The following FANCA variants were observed in gnomAD, a reference collection of about 807,000 sequenced individuals.
FANCA encodes Fanconi anemia group A protein.
Under a neutral mutation model 194.3 loss-of-function variants are expected in FANCA, and 236 were observed. The ratio of observed to expected loss-of-function variants is 1.21; its 90% CI spans 1.09 to 1.35. The LOEUF is 1.35. FANCA is among the 40% of genes most tolerant of loss of function. The pLI is 0.00. For missense variants in FANCA, 2,628 were observed against 1,813.9 expected (o/e 1.45, Z -8.15); for synonymous variants, 1,014 against 715.8 (o/e 1.42, Z -6.65).
intron 32 of FANCA, 98 bp from the exon 33 acceptor site, chr16:89,748,865 C>A (rs1386718064): frequency 8.3e-6 from 8 of 962,700 alleles, no homozygotes; most frequent in East Asian, 5.2e-5. Flanking sequence ...CACCCTGAAA[C>A]CCAGGGCCAC....
intron 32 of FANCA, among the ~76,000 whole-genome samples, chr16:89,749,104 T>C (rs979602676): frequency 6.6e-6 from 1 of 152,250 alleles, no homozygotes; most frequent in Non-Finnish European, 1.5e-5. Context: ...TAAAATTAAA[T>C]GACTCCACGC....
chr16:89,776,301 G>A (rs1456232680), intron 20 of FANCA, among the ~76,000 whole-genome samples: 1 of 150,702 alleles, frequency 6.6e-6, no homozygotes, highest in Admixed American at 6.6e-5. Flanking sequence ...CCGAGTAGGT[G>A]GGATTACAGG....
rs148154682 is a variant in FANCA, at chr16:89,779,902, G to A, written c.1682C>T (p.Thr561Met). Residue 561 changes from threonine (T) to methionine (M), a missense_variant, in exon 18 of 43, where the codon ACG (threonine) becomes ATG (methionine). Coordinates refer to ENST00000389301, the MANE Select transcript of FANCA (RefSeq NM_000135.4). ...VEKAIMVFEH[T>M]GNIPVTVMEA... ...CATGACGGTGACTGGGATGTTCCCC[G>A]TATGCTCAAACACCATGATGGCCTT... is the stretch of plus-strand genomic sequence containing the variant. The A allele has an allele frequency of 4.9e-5, 79 of 1,613,906 alleles. No individual in the cohort carries two copies. Among genetic ancestry groups the A allele is most frequent in the South Asian group, 1.8e-4 (16 of 91,078 alleles).
At chr16:89,787,122 T>C (rs2039924363) in intron 14 of FANCA, among the ~76,000 whole-genome samples, 1 of 152,234 alleles carries the variant, frequency 6.6e-6, no homozygotes, top group Non-Finnish European at 1.5e-5. Flanking sequence ...TTCTGTTTGC[T>C]ATTTTTGAAA....
chr16:89,739,374 G>A (rs2062063307), intron 40 of FANCA, 85 bp from the exon 41 acceptor site: 1 of 1,587,730 alleles, frequency 6.3e-7, no homozygotes, highest in African/African-American at 1.3e-5. Context: ...CATCTGTGGA[G>A]CAGAGGCACA....
At chr16:89,786,748 G>A (rs1400475055) in intron 14 of FANCA, among the ~76,000 whole-genome samples, 3 of 152,202 alleles carry the variant, frequency 2.0e-5, no homozygotes, top group Non-Finnish European at 2.9e-5. Flanking sequence ...ACAAAGCTCA[G>A]AGACATGAAC....
Position 89,799,595 on chromosome 16 carries a change from A to G in FANCA, c.826+10T>C, listed in dbSNP as rs536052530. 344 of 1,612,882 alleles carry G rather than the reference A, an allele frequency of 2.1e-4. 3 individuals carry two copies. In the South Asian group the frequency reaches 3.3e-3, roughly 16 times the overall value. ...CATTTACAGTCTGGGCTGCAGTGCA[A>G]TTAACTTACAAATCAGCATTCTCTG... On this transcript the variant is annotated intron_variant, in intron 9 of 42. Transcript: ENST00000389301.
Position 89,738,394 on chromosome 16 carries a change from C to A in FANCA, c.*207G>T. The A allele has an allele frequency of 7.2e-7, 1 of 1,383,814 alleles. No individual in the cohort carries two copies. The highest frequency in any genetic ancestry group is 2.5e-5 in the East Asian group (1 of 40,012). The allele number at this position is 1,383,814 out of a possible 1,614,324, so 85.7% of individuals were successfully genotyped here. ...CGGGCTTGGTGTCCGGCTCAAGTAGCCTTCCTCTGCTCTGGGACCAGTGGT... is the reference window on the plus strand; with the variant it reads ...CGGGCTTGGTGTCCGGCTCAAGTAGACTTCCTCTGCTCTGGGACCAGTGGT... On this transcript the variant is annotated 3_prime_UTR_variant, in exon 43 of 43. Transcript: ENST00000389301.
At chr16:89,805,739 T>C (rs1428298843) in intron 6 of FANCA, among the ~76,000 whole-genome samples, 1 of 150,598 alleles carries the variant, frequency 6.6e-6, no homozygotes, top group Non-Finnish European at 1.5e-5. Context: ...CAGTCTCAAG[T>C]TATTTTCTAA....
At position 89,746,649 on chromosome 16, in the gene FANCA, G is replaced by A. The variant is rs369073173; in HGVS notation, c.3448C>T (p.Leu1150=). 1.2e-6 allele frequency: 2 copies of A among 1,614,056 alleles called. No individual in the cohort carries two copies. Among genetic ancestry groups the A allele is most frequent in the African/African-American group, 2.7e-5 (2 of 74,942 alleles). Reference sequence around the variant, plus strand: ...TTGGCCAGTATGAAGTCGACCATCAGGGAGGGGTCTCTGCTCCGCAGACAG... The same window carrying A: ...TTGGCCAGTATGAAGTCGACCATCAAGGAGGGGTCTCTGCTCCGCAGACAG... ...NACLRSRDPS[L]MVDFILAKCQ... Residue 1150 remains leucine (L), a synonymous_variant, in exon 35 of 43, where the codon CTG becomes TTG. Transcript: ENST00000389301.
chr16:89,770,366 CA>C, intron 24 of FANCA, 107 bp from the exon 25 acceptor site: 1 of 1,154,444 alleles, frequency 8.7e-7, no homozygotes, highest in Non-Finnish European at 1.3e-6. Flanking sequence ...AGCTGTTCCC[CA>C]AAACAGTGGT....
rs766134850 is a variant in FANCA, at chr16:89,805,346, A to T, written c.643T>A (p.Cys215Ser). The change falls in exon 7 of 43, where the codon TGC becomes AGC. Residue 215 changes from cysteine (C) to serine (S), a missense_variant. Cys to Ser is a moderately radical substitution (Grantham distance 112, BLOSUM62 -1). Transcript: ENST00000389301. ...GCTTCCATCTGTTCACAAAGGCAGC[A>T]CAGATTCCTGAAGAGCCACGATCCC... ...AVGSWLFRNL[C>S]CLCEQMEASC... 16 of 1,614,110 alleles carry T rather than the reference A, an allele frequency of 9.9e-6. No individual in the cohort carries two copies. The South Asian group carries it at 1.8e-4, about 18-fold the overall frequency.
At position 89,752,158 on chromosome 16, in the gene FANCA, C is replaced by A; in HGVS notation, c.3046G>T (p.Asp1016Tyr). Reference sequence around the variant, plus strand: ...CTCACCTGCAATCTGGAAATAATATCCTCATTTCCTGTGCGGCCACCAAAG... The same window carrying A: ...CTCACCTGCAATCTGGAAATAATATACTCATTTCCTGTGCGGCCACCAAAG... The part of the protein sequence containing the change: ...LVFGGRTGNE[D>Y]IISRLQEMVA... The change falls in exon 31 of 43, where the codon GAT (aspartate) becomes TAT (tyrosine). Residue 1016 changes from aspartate (D) to tyrosine (Y), a missense_variant. Coordinates refer to ENST00000389301, the MANE Select transcript of FANCA (RefSeq NM_000135.4). 6.2e-7 allele frequency: 1 copy of A among 1,614,004 alleles called. No homozygotes were observed. The highest frequency in any genetic ancestry group is 8.5e-7 in the Non-Finnish European group (1 of 1,179,890).
rs61666011 is a variant in FANCA, at chr16:89,789,497, G to C, written c.1359+1906C>G. Among the ~76,000 whole-genome samples, 13 of 138,518 alleles carry C rather than the reference G, an allele frequency of 9.4e-5. No individual in the cohort carries two copies. The South Asian group carries it at 2.7e-3, about 29-fold the overall frequency. The allele number at this position is 138,518 out of a possible 152,430, so 90.9% of individuals were successfully genotyped here. ...GCTCTGTCTCCCAGGCTGGAGCGTAGTAATGCAATCCCAGCTCAATGCAGC... is the reference window on the plus strand; with the variant it reads ...GCTCTGTCTCCCAGGCTGGAGCGTACTAATGCAATCCCAGCTCAATGCAGC... On this transcript the variant is annotated intron_variant, in intron 14 of 42. Transcript: ENST00000389301.
In FANCA at chr16:89,738,495, G is replaced by T. The variant is rs1238708842; in HGVS notation, c.*106C>A. On this transcript the variant is annotated 3_prime_UTR_variant, in exon 43 of 43. Coordinates refer to ENST00000389301, the MANE Select transcript of FANCA (RefSeq NM_000135.4). Reference sequence around the variant, plus strand: ...ATTGATTCCTTTCCCCACTAAAGCAGTCGAGGAGATTTGTAATCCACTTTT... The same window carrying T: ...ATTGATTCCTTTCCCCACTAAAGCATTCGAGGAGATTTGTAATCCACTTTT... 1 of 1,542,708 alleles carries T rather than the reference G, an allele frequency of 6.5e-7. No homozygotes were observed. The highest frequency in any genetic ancestry group is 1.4e-5 in the African/African-American group (1 of 73,562).
At chr16:89,753,666 G>A (rs577297282) in intron 30 of FANCA, among the ~76,000 whole-genome samples, 1 of 152,256 alleles carries the variant, frequency 6.6e-6, no homozygotes, top group South Asian at 2.1e-4. Context: ...GCAAACGTCA[G>A]ATTTAATGAG....
At position 89,783,072 on chromosome 16, in the gene FANCA, C is replaced by CCAT; in HGVS notation, c.1500_1501insATG (p.Pro500_Gly501insMet). 6.2e-7 allele frequency: 1 copy of CCAT among 1,613,452 alleles called. No individual in the cohort carries two copies. The highest frequency in any genetic ancestry group is 8.5e-7 in the Non-Finnish European group (1 of 1,179,736). On this transcript the variant is annotated inframe_insertion, in exon 16 of 43. Transcript: ENST00000389301. ...TCTGTGAGGAGGGAGCGGTACTTGC[C>CCAT]GGGAACCAGGGGTGGGTGGAGAATG...
At position 89,767,116 on chromosome 16, in the gene FANCA, A is replaced by G. The variant is rs752005206; in HGVS notation, c.2601+25T>C. 7 of 1,564,076 alleles carry G rather than the reference A, an allele frequency of 4.5e-6. No homozygotes were observed. The East Asian group carries it at 1.3e-4, about 30-fold the overall frequency. On this transcript the variant is annotated intron_variant, in intron 27 of 42. Coordinates refer to ENST00000389301, the MANE Select transcript of FANCA (RefSeq NM_000135.4). ...AAACCTGAAACGTATGGCAGAATGG[A>G]AAAATAGGAAAAGAGTGAACCTACC... is the stretch of plus-strand genomic sequence containing the variant.
intron 30 of FANCA, among the ~76,000 whole-genome samples, chr16:89,755,345 C>T (rs901227678): frequency 2.0e-5 from 3 of 152,086 alleles, no homozygotes; most frequent in African/African-American, 7.2e-5. Flanking sequence ...TCCCGAGTAG[C>T]TGGGATTACA....
Sources: gnomAD v4.1 joint callset for allele counts (sites outside exome capture counted in the v4.1 genomes callset) on GRCh38, gnomAD v4.1.1 for gene constraint, MANE v1.5 for transcripts, NCBI Gene and HGNC (gene_info 2026-07-23, HGNC 2026-07-21) for gene names.